Variants in STAU2 observed in about 807,000 individuals in gnomAD.
STAU2 encodes double-stranded RNA-binding protein Staufen homolog 2.
STAU2 carries 20 observed loss-of-function variants against 65.9 expected under a neutral mutation model. The observed-to-expected ratio is 0.30, with a 90% confidence interval of 0.21 to 0.44. The LOEUF (loss-of-function observed/expected upper bound fraction) is 0.44, where lower values mean the gene tolerates loss of function less well. Ranked by LOEUF, STAU2 falls within the 20% of genes least tolerant of loss-of-function variation. The pLI is 1.00. For missense variants in STAU2, 558 were observed against 683.9 expected, an observed-to-expected ratio of 0.82 and a Z score of 2.05; for synonymous variants, 232 against 233.9, an observed-to-expected ratio of 0.99 and a Z score of 0.07.
chr8:73,604,907 A>C (rs1224852366), intron 9 of STAU2, among the ~76,000 whole-genome samples: 9 of 152,150 alleles, frequency 5.9e-5, no homozygotes, highest in Non-Finnish European at 1.2e-4. Context: ...GCCTATTCCT[A>C]GGCACATATA....
At chr8:73,431,098 A>G (rs531560867) in intron 13 of STAU2, among the ~76,000 whole-genome samples, 48 of 152,342 alleles carry the variant, frequency 3.2e-4, no homozygotes, top group Non-Finnish European at 6.3e-4. Context: ...AACATCCTGA[A>G]TGATGCTTAA....
chr8:73,682,781 A>T (rs1051689382), intron 5 of STAU2, among the ~76,000 whole-genome samples: 1 of 152,142 alleles, frequency 6.6e-6, no homozygotes, highest in Admixed American at 6.6e-5. Context: ...CAAACAGGAG[A>T]TATAACAACT....
intron 9 of STAU2, among the ~76,000 whole-genome samples, chr8:73,605,111 T>A (rs1017734016): frequency 3.3e-5 from 5 of 152,118 alleles, no homozygotes; most frequent in African/African-American, 1.2e-4. Context: ...TCAAGATGAA[T>A]GATTTTCAGA....
intron 14 of STAU2, 47 bp downstream of exon 14, chr8:73,422,567 A>G: frequency 7.2e-7 from 1 of 1,380,674 alleles, no homozygotes; most frequent in Non-Finnish European, 9.6e-7. Context: ...TATCTTTTGT[A>G]CAGTTACAAT....
chr8:73,678,532 G>GT (rs1818174464), intron 5 of STAU2, among the ~76,000 whole-genome samples: 1 of 152,040 alleles, frequency 6.6e-6, no homozygotes, highest in Non-Finnish European at 1.5e-5. Context: ...ATCATTACCT[G>GT]TAATACTGAT....
chr8:73,599,924 T>C (rs1406972656), intron 10 of STAU2, among the ~76,000 whole-genome samples: 3 of 152,132 alleles, frequency 2.0e-5, no homozygotes, highest in East Asian at 1.9e-4. Context: ...CCCACCACCA[T>C]GTCCGGCTAA....
At chr8:73,679,209 G>C (rs1818224117) in intron 5 of STAU2, among the ~76,000 whole-genome samples, 1 of 152,096 alleles carries the variant, frequency 6.6e-6, no homozygotes. Context: ...ATACAGGTTT[G>C]CCTTTCCCAA....
intron 12 of STAU2, among the ~76,000 whole-genome samples, chr8:73,571,343 C>A (rs1286487376): frequency 1.3e-5 from 2 of 152,180 alleles, no homozygotes; most frequent in Non-Finnish European, 2.9e-5. Context: ...ATCAACGAGA[C>A]AGAAAGTTAA....
chr8:73,550,187 G>T, intron 13 of STAU2: 1 of 985,046 alleles, frequency 1.0e-6, no homozygotes, highest in Middle Eastern at 5.2e-4. Flanking sequence ...TCATTAGTAT[G>T]TAAAAATCAC....
At chr8:73,616,324 T>C (rs1812831299) in intron 7 of STAU2, among the ~76,000 whole-genome samples, 1 of 152,130 alleles carries the variant, frequency 6.6e-6, no homozygotes, top group Admixed American at 6.5e-5. Flanking sequence ...TTCCTTGCTG[T>C]CAAGAACTGG....
intron 13 of STAU2, among the ~76,000 whole-genome samples, chr8:73,486,655 ATATTTT>A (rs1820927501): frequency 1.3e-5 from 1 of 78,228 alleles, no homozygotes; most frequent in Non-Finnish European, 2.5e-5. Flanking sequence ...ATATATATAT[ATATTTT>A]TTTTTTTTTT....
Position 73,447,775 on chromosome 8 carries a change from T to A in STAU2, c.1531-25073A>T, listed in dbSNP as rs538142738. On this transcript the variant is annotated intron_variant, in intron 13 of 14. Coordinates refer to ENST00000524300, the MANE Select transcript of STAU2 (RefSeq NM_001164380.2). Reference sequence around the variant, plus strand: ...GTGGGGACACCAGGCTTATGGAAAGTTAGCAGTCGTTTTCCTTTTCCTCCC... The same window carrying A: ...GTGGGGACACCAGGCTTATGGAAAGATAGCAGTCGTTTTCCTTTTCCTCCC... Among the ~76,000 whole-genome samples, 141 of 152,236 alleles carry A rather than the reference T, an allele frequency of 9.3e-4. 5 individuals are homozygous for A. In the South Asian group the frequency reaches 0.027, roughly 29 times the overall value.
chr8:73,448,211 T>C (rs1345561309), intron 13 of STAU2, among the ~76,000 whole-genome samples: 2 of 152,162 alleles, frequency 1.3e-5, no homozygotes, highest in Non-Finnish European at 2.9e-5. Context: ...GGCATAATCA[T>C]ATTGGCTTAC....
intron 13 of STAU2, among the ~76,000 whole-genome samples, chr8:73,544,506 TTTAAA>T (rs1379347779): frequency 4.6e-5 from 7 of 152,236 alleles, no homozygotes; most frequent in Non-Finnish European, 8.8e-5. Flanking sequence ...CCACTTCCAC[TTTAAA>T]TTATTTTCTA....
chr8:73,461,701 G>A (rs1342721964), intron 13 of STAU2, among the ~76,000 whole-genome samples: 2 of 152,036 alleles, frequency 1.3e-5, no homozygotes, highest in Non-Finnish European at 2.9e-5. Context: ...GTGTAGGAGG[G>A]AGAGAATGAG....
intron 12 of STAU2, among the ~76,000 whole-genome samples, chr8:73,555,292 T>C (rs903530201): frequency 6.6e-6 from 1 of 150,996 alleles, no homozygotes; most frequent in African/African-American, 2.4e-5. Context: ...CTGGAGGGTT[T>C]GTGTTCTAGG....
At chr8:73,548,252 CT>C (rs1807075120) in intron 13 of STAU2, among the ~76,000 whole-genome samples, 1 of 143,126 alleles carries the variant, frequency 7.0e-6, no homozygotes. Context: ...ATACCTTATT[CT>C]AAAAAAAAAA....
At chr8:73,464,135 AG>A (rs892913641) in intron 13 of STAU2, among the ~76,000 whole-genome samples, 1 of 152,260 alleles carries the variant, frequency 6.6e-6, no homozygotes, top group Non-Finnish European at 1.5e-5. Context: ...CCTGAAGTAA[AG>A]GGCCCTGTTT....
Position 73,460,277 on chromosome 8 carries a change from T to C in STAU2, c.1531-37575A>G, listed in dbSNP as rs568778618. The stretch of plus-strand genomic sequence containing the variant: ...GAAAATGGGGGCAGGAGGGCATTGT[T>C]GTTGTTTTGACTAAAGTGGTTTGGG... On this transcript the variant is annotated intron_variant, in intron 13 of 14. Coordinates refer to ENST00000524300, the MANE Select transcript of STAU2 (RefSeq NM_001164380.2). Among the ~76,000 whole-genome samples the C allele has an allele frequency of 2.0e-5, 3 of 152,314 alleles. No individual in the cohort carries two copies. The East Asian group carries it at 5.8e-4, about 29-fold the overall frequency.
Sources: gnomAD v4.1 joint callset for allele counts (sites outside exome capture counted in the v4.1 genomes callset) on GRCh38, gnomAD v4.1.1 for gene constraint, MANE v1.5 for transcripts, NCBI Gene and HGNC (gene_info 2026-07-23, HGNC 2026-07-21) for gene names.